KCNU1: variants seen among roughly 807,000 people sequenced by gnomAD.
KCNU1 encodes potassium calcium-activated channel subfamily U member 1.
A neutral mutation model predicts 126.8 loss-of-function variants in KCNU1; 93 were observed. The ratio of observed to expected loss-of-function variants is 0.73; its 90% CI spans 0.62 to 0.87. KCNU1 has a LOEUF of 0.87. Among genes scored for constraint, KCNU1 ranks in the 40% least tolerant of loss-of-function variants. KCNU1 has a pLI of 0.00. For missense variants in KCNU1, 1,330 were observed against 1,367.1 expected (o/e 0.97, Z 0.43); for synonymous variants, 523 against 494.2 (o/e 1.06, Z -0.77).
At chr8:36,855,129 C>T (rs997817447) in intron 18 of KCNU1, among the ~76,000 whole-genome samples, 26 of 152,124 alleles carry the variant, frequency 1.7e-4, no homozygotes, top group Admixed American at 1.4e-3. Context: ...TGGAACTTCT[C>T]AGGCCTTTCT....
chr8:36,803,339 A>T (rs990651058), intron 2 of KCNU1, among the ~76,000 whole-genome samples: 1 of 152,212 alleles, frequency 6.6e-6, no homozygotes, highest in African/African-American at 2.4e-5. Flanking sequence ...AACTAGAAAT[A>T]ACTGGAGGAA....
chr8:36,880,493 GC>G (rs1806436553), intron 19 of KCNU1, among the ~76,000 whole-genome samples: 1 of 152,096 alleles, frequency 6.6e-6, no homozygotes, highest in African/African-American at 2.4e-5. Context: ...TCGAACACAG[GC>G]TTTCTGAATA....
intron 24 of KCNU1, among the ~76,000 whole-genome samples, chr8:36,926,146 C>T (rs768046075): frequency 5.9e-5 from 9 of 152,096 alleles, no homozygotes; most frequent in Non-Finnish European, 1.3e-4. Flanking sequence ...ACCTCCATTA[C>T]CTGGTTTAAT....
chr8:36,844,380 C>CAA (rs202234667), intron 16 of KCNU1, among the ~76,000 whole-genome samples: 1 of 122,942 alleles, frequency 8.1e-6, no homozygotes, highest in South Asian at 2.8e-4. Flanking sequence ...AACTCCGTCT[C>CAA]AAAAAAAAAC....
chr8:36,821,919 A>G (rs530752150), intron 10 of KCNU1, among the ~76,000 whole-genome samples: 28 of 152,264 alleles, frequency 1.8e-4, no homozygotes, highest in Admixed American at 1.8e-3. Flanking sequence ...AGGCCAGGCT[A>G]AGCAACGATG....
intron 19 of KCNU1, 74 bp from the exon 20 acceptor site, chr8:36,905,634 G>A (rs1381635408): frequency 7.3e-6 from 6 of 821,978 alleles, no homozygotes; most frequent in South Asian, 1.3e-5. Flanking sequence ...AGGCTCTAAT[G>A]AGTTTTACAT....
Position 36,790,479 on chromosome 8 carries a change from GA to G in KCNU1, c.315+3063del, listed in dbSNP as rs537007934. Among the ~76,000 whole-genome samples the G allele has an allele frequency of 1.5e-4, 22 of 146,612 alleles. No homozygotes were observed. In the South Asian group the frequency reaches 2.2e-3, roughly 14 times the overall value. On this transcript the variant is annotated intron_variant, in intron 2 of 26. Coordinates refer to ENST00000399881, the MANE Select transcript of KCNU1 (RefSeq NM_001031836.3). ...AATAAATAGCTAGTCTATAAAAAAG[GA>G]AAAAAAAAGGAAAAAGTACAACTAT...
intron 19 of KCNU1, among the ~76,000 whole-genome samples, chr8:36,879,228 T>G (rs1270247815): frequency 2.1e-5 from 3 of 143,196 alleles, no homozygotes; most frequent in South Asian, 2.2e-4. Flanking sequence ...TATATATATA[T>G]ATATATATAT....
rs1483105273 is a variant in KCNU1 at position 36,826,279 on chromosome 8, G to A, written c.1107-7275G>A. On this transcript the variant is annotated intron_variant, in intron 10 of 26. Transcript: ENST00000399881. The stretch of plus-strand genomic sequence containing the variant: ...GGCTGGAGCGCAGTGGCCTGATCTT[G>A]GCTCACTGCAACCTCTGCCTCCCGG... 3.3e-5 allele frequency among the ~76,000 whole-genome samples: 5 copies of A among 151,694 alleles called. No homozygotes were observed. In the East Asian group the frequency reaches 9.7e-4, roughly 29 times the overall value.
chr8:36,926,241 C>A (rs956805826), intron 24 of KCNU1, among the ~76,000 whole-genome samples: 1 of 152,092 alleles, frequency 6.6e-6, no homozygotes, highest in Non-Finnish European at 1.5e-5. Flanking sequence ...GTTTTCAGAT[C>A]CAAGTGTATG....
intron 7 of KCNU1, among the ~76,000 whole-genome samples, chr8:36,809,181 A>T (rs1446889644): frequency 6.6e-6 from 1 of 152,116 alleles, no homozygotes; most frequent in Admixed American, 6.6e-5. Flanking sequence ...ATGAGGGAGG[A>T]TTTACTGTTG....
chr8:36,896,535 A>G (rs1286467407), intron 19 of KCNU1, among the ~76,000 whole-genome samples: 3 of 152,106 alleles, frequency 2.0e-5, no homozygotes, highest in East Asian at 1.9e-4. Context: ...CCATGGAAAC[A>G]AAAAGTAATA....
intron 22 of KCNU1, among the ~76,000 whole-genome samples, chr8:36,914,049 G>A (rs1807998844): frequency 6.6e-6 from 1 of 152,144 alleles, no homozygotes; most frequent in Non-Finnish European, 1.5e-5. Flanking sequence ...ACAGAAGCCT[G>A]TTTGGCTTTC....
chr8:36,847,482 A>G (rs1446671271), intron 18 of KCNU1, among the ~76,000 whole-genome samples: 2 of 151,934 alleles, frequency 1.3e-5, no homozygotes, highest in Admixed American at 1.3e-4. Flanking sequence ...TCTTTAACCA[A>G]TCTCTCTGCA....
intron 18 of KCNU1, among the ~76,000 whole-genome samples, chr8:36,856,874 C>A (rs1478765394): frequency 6.6e-6 from 1 of 152,176 alleles, no homozygotes; most frequent in Non-Finnish European, 1.5e-5. Context: ...TTATCTTGTT[C>A]TCATGGAGTT....
intron 14 of KCNU1, among the ~76,000 whole-genome samples, chr8:36,838,424 C>T (rs1804831760): frequency 6.6e-6 from 1 of 152,162 alleles, no homozygotes; most frequent in South Asian, 2.1e-4. Context: ...GGTGTGGTGG[C>T]TCACGCCTGT....
In KCNU1 at chr8:36,814,222, G is replaced by A. The variant is rs779075643; in HGVS notation, c.748G>A (p.Asp250Asn). ...GFIHLVENSGDPWLKGRNSQN... is the reference protein window; with the variant it reads ...GFIHLVENSGNPWLKGRNSQN... ...CTTTGGACAGGTGGAAAATTCTGGT[G>A]ATCCCTGGCTCAAAGGTAGAAATTC... Residue 250 changes from aspartate to asparagine, a missense_variant, in exon 8 of 27, where the codon GAT becomes AAT. By Grantham distance (23) the Asp-to-Asn change is conservative (BLOSUM62 1). Coordinates refer to ENST00000399881, the MANE Select transcript of KCNU1 (RefSeq NM_001031836.3). The A allele has an allele frequency of 1.9e-6, 3 of 1,613,068 alleles. No homozygotes were observed. In the African/African-American group the frequency reaches 4.0e-5, roughly 22 times the overall value.
At chr8:36,853,370 G>A (rs774631802) in intron 18 of KCNU1, among the ~76,000 whole-genome samples, 10 of 152,056 alleles carry the variant, frequency 6.6e-5, no homozygotes, top group Admixed American at 2.0e-4. Flanking sequence ...AAATAAATAA[G>A]TAGGCATTTA....
chr8:36,858,176 C>CAA (rs67265944), intron 18 of KCNU1, among the ~76,000 whole-genome samples: 4,539 of 71,776 alleles, frequency 0.063, 318 homozygotes, highest in East Asian at 0.18. Flanking sequence ...TCAAGGATGG[C>CAA]AAAAAAAAAA....
Sources: gnomAD v4.1 joint callset for allele counts (sites outside exome capture counted in the v4.1 genomes callset) on GRCh38, gnomAD v4.1.1 for gene constraint, MANE v1.5 for transcripts, NCBI Gene and HGNC (gene_info 2026-07-23, HGNC 2026-07-21) for gene names.